Variants in PCLO observed in about 807,000 individuals in gnomAD.
PCLO encodes the protein piccolo presynaptic cytomatrix protein.
A neutral mutation model predicts 427.5 loss-of-function variants in PCLO; 82 were observed. The ratio of observed to expected loss-of-function variants is 0.19; its 90% CI spans 0.16 to 0.23. The LOEUF (loss-of-function observed/expected upper bound fraction) is 0.23, where lower values mean the gene tolerates loss of function less well. PCLO is among the 10% of genes least tolerant of loss of function. The probability of loss-of-function intolerance (pLI) is 1.00; values close to 1 mark genes in which losing one functional copy is unlikely to be tolerated. For missense variants in PCLO, 6,239 were observed against 6,115.9 expected (o/e 1.02, Z -0.67); for synonymous variants, 2,357 against 2,155.4 (o/e 1.09, Z -2.59).
chr7:83,059,381 A>AT (rs757350399), intron 3 of PCLO, among the ~76,000 whole-genome samples: 17,476 of 95,512 alleles, frequency 0.18, 1,418 homozygotes, highest in Admixed American at 0.25. Flanking sequence ...TATATATATA[A>AT]AAATGAAAAA....
intron 3 of PCLO, among the ~76,000 whole-genome samples, chr7:83,042,621 G>A (rs959927086): frequency 2.0e-5 from 3 of 152,156 alleles, no homozygotes; most frequent in Admixed American, 1.3e-4. Context: ...AGCACTTTGG[G>A]AGGCAGAGGT....
chr7:82,991,708 T>C (rs1796380314), intron 3 of PCLO, among the ~76,000 whole-genome samples: 1 of 152,118 alleles, frequency 6.6e-6, no homozygotes, highest in African/African-American at 2.4e-5. Flanking sequence ...ATACTGCTCA[T>C]TTTGAAAACA....
In PCLO at chr7:83,156,899, A is replaced by G. The variant is rs140870034; in HGVS notation, c.249-507T>C. On this transcript the variant is annotated intron_variant, in intron 1 of 24. Coordinates refer to ENST00000333891, the MANE Select transcript of PCLO (RefSeq NM_033026.6). ...AAAAATATTCATTTTTAAATATAGGAGTCTGCTGAGACTTCTTAAAAATTT... is the reference window on the plus strand; with the variant it reads ...AAAAATATTCATTTTTAAATATAGGGGTCTGCTGAGACTTCTTAAAAATTT... Among the ~76,000 whole-genome samples the G allele has an allele frequency of 1.3e-3, 196 of 152,300 alleles. 2 individuals carry two copies. The highest frequency in any genetic ancestry group is 4.3e-3 in the African/African-American group (180 of 41,574).
chr7:82,964,363 T>C lies in PCLO; in HGVS notation c.4017+1408A>G, dbSNP rs769593803. On this transcript the variant is annotated intron_variant, in intron 4 of 24. Coordinates refer to ENST00000333891, the MANE Select transcript of PCLO (RefSeq NM_033026.6). ...GAGAAGTGGAAAAGAGTCAGACATATTGAGTTTGCATTTACAGAGAGGCTT... is the reference window on the plus strand; with the variant it reads ...GAGAAGTGGAAAAGAGTCAGACATACTGAGTTTGCATTTACAGAGAGGCTT... Among the ~76,000 whole-genome samples, 11 of 152,070 alleles carry C rather than the reference T, an allele frequency of 7.2e-5. 1 individual carries two copies. The highest frequency in any genetic ancestry group is 1.2e-4 in the African/African-American group (5 of 41,488).
chr7:83,150,078 G>A (rs1014592508), intron 2 of PCLO, among the ~76,000 whole-genome samples: 3 of 152,084 alleles, frequency 2.0e-5, no homozygotes, highest in African/African-American at 7.2e-5. Flanking sequence ...AAAGTGATAA[G>A]TCGTTTTCAT....
At chr7:82,878,943 G>C (rs1474652966) in intron 10 of PCLO, among the ~76,000 whole-genome samples, 1 of 152,172 alleles carries the variant, frequency 6.6e-6, no homozygotes, top group Admixed American at 6.6e-5. Context: ...GCCATCCATA[G>C]TTTGCTTACC....
chr7:83,022,572 T>C (rs1485562538), intron 3 of PCLO, among the ~76,000 whole-genome samples: 1 of 152,156 alleles, frequency 6.6e-6, no homozygotes, highest in African/African-American at 2.4e-5. Flanking sequence ...CCGAGATAAA[T>C]ATGAAAACAA....
At position 82,915,396 on chromosome 7, in the gene PCLO, T is replaced by A. The variant is rs376981617; in HGVS notation, c.12590A>T (p.Asp4197Val). 9 of 1,613,408 alleles carry A rather than the reference T, an allele frequency of 5.6e-6. No homozygotes were observed. In the African/African-American group the frequency reaches 1.2e-4, roughly 22 times the overall value. Reference sequence around the variant, plus strand: ...AGGTGAAAATTTTGACATTTTAGGGTCAATTAGTGATTTCTTATGCTTTGA... The same window carrying A: ...AGGTGAAAATTTTGACATTTTAGGGACAATTAGTGATTTCTTATGCTTTGA... ...KQSKHKKSLIDPKMSKFSPIQ... is the reference protein window; with the variant it reads ...KQSKHKKSLIVPKMSKFSPIQ... Residue 4197 changes from aspartate to valine, a missense_variant, in exon 7 of 25, where the codon GAC (aspartate) becomes GTC (valine). This residue lies in a region of PCLO where 680 missense variants were observed against 677.3 expected (regional missense o/e 1.00). Transcript: ENST00000333891.
chr7:83,053,799 A>C (rs967958269), intron 3 of PCLO, among the ~76,000 whole-genome samples: 2 of 151,962 alleles, frequency 1.3e-5, no homozygotes, highest in Non-Finnish European at 2.9e-5. Context: ...TATGTAACTG[A>C]AAATAGAGTC....
chr7:83,136,370 C>T (rs1273461131), intron 2 of PCLO, among the ~76,000 whole-genome samples: 1 of 151,874 alleles, frequency 6.6e-6, no homozygotes, highest in African/African-American at 2.4e-5. Flanking sequence ...GGGAATAAAA[C>T]ATGTTAGATA....
At chr7:82,865,227 C>A (rs1793063257) in intron 10 of PCLO, among the ~76,000 whole-genome samples, 1 of 152,158 alleles carries the variant, frequency 6.6e-6, no homozygotes, top group African/African-American at 2.4e-5. Context: ...GCGGCTTACA[C>A]CTGGAGTCCC....
intron 3 of PCLO, among the ~76,000 whole-genome samples, chr7:82,994,652 T>C (rs1466172384): frequency 6.6e-6 from 1 of 151,848 alleles, no homozygotes; most frequent in Non-Finnish European, 1.5e-5. Flanking sequence ...ATGAGATGTG[T>C]TGATACAGGC....
At chr7:83,059,601 C>T (rs188707161) in intron 3 of PCLO, among the ~76,000 whole-genome samples, 232 of 151,774 alleles carry the variant, frequency 1.5e-3, no homozygotes, top group Non-Finnish European at 2.6e-3. Context: ...TTTATTTAAC[C>T]AATCTCCATG....
chr7:82,972,673 T>A (rs1795931832), intron 3 of PCLO, among the ~76,000 whole-genome samples: 2 of 152,050 alleles, frequency 1.3e-5, no homozygotes, highest in African/African-American at 4.8e-5. Context: ...ACTGGGTAGG[T>A]CATGTCTCAA....
chr7:82,872,370 C>A (rs964118420), intron 10 of PCLO, among the ~76,000 whole-genome samples: 1 of 151,892 alleles, frequency 6.6e-6, no homozygotes, highest in African/African-American at 2.4e-5. Flanking sequence ...ATACTCAGCA[C>A]TACTGAAGGA....
At chr7:82,912,152 C>G (rs1794338016) in intron 7 of PCLO, among the ~76,000 whole-genome samples, 1 of 151,840 alleles carries the variant, frequency 6.6e-6, no homozygotes, top group Non-Finnish European at 1.5e-5. Flanking sequence ...ACTAAATAAC[C>G]TGTAGAATGT....
intron 3 of PCLO, among the ~76,000 whole-genome samples, chr7:83,097,938 T>C: frequency 6.6e-6 from 1 of 152,128 alleles, no homozygotes; most frequent in East Asian, 1.9e-4. Flanking sequence ...ATGATTATAT[T>C]TTTCATTAAT....
intron 3 of PCLO, among the ~76,000 whole-genome samples, chr7:82,980,770 A>G (rs1796129047): frequency 6.6e-6 from 1 of 152,228 alleles, no homozygotes; most frequent in South Asian, 2.1e-4. Context: ...TGACATTGCC[A>G]AGAAAAAAAA....
Position 82,956,133 on chromosome 7 carries a change from T to G in PCLO, c.4820A>C (p.Lys1607Thr). Reference sequence around the variant, plus strand: ...ACTTTTTCGAGTCAGTCGTCTGTGTTTCCCTGCTGTTATTTTGCCTTTTCC... The same window carrying G: ...ACTTTTTCGAGTCAGTCGTCTGTGTGTCCCTGCTGTTATTTTGCCTTTTCC... ...TKGKGKITAG[K>T]HRRLTRKSST... Residue 1607 changes from lysine to threonine, a missense_variant, in exon 5 of 25, where the codon AAA (lysine) becomes ACA (threonine). Physicochemically the swap from Lys to Thr is moderately conservative, Grantham distance 78. Coordinates refer to ENST00000333891, the MANE Select transcript of PCLO (RefSeq NM_033026.6). 1 of 1,609,008 alleles carries G rather than the reference T, an allele frequency of 6.2e-7. No individual in the cohort carries two copies. Among genetic ancestry groups the G allele is most frequent in the Non-Finnish European group, 8.5e-7 (1 of 1,179,848 alleles).
Sources: allele counts gnomAD v4.1 joint callset (sites outside exome capture counted in the v4.1 genomes callset), GRCh38; gene constraint gnomAD v4.1.1; regional missense constraint gnomAD v4.1.1; transcripts MANE v1.5; gene names NCBI Gene and HGNC (gene_info 2026-07-23, HGNC 2026-07-21).